Variants in SFT2D2 observed in about 807,000 individuals in gnomAD.
SFT2D2 encodes the protein vesicle transport protein SFT2B.
SFT2D2 carries 21 observed loss-of-function variants against 27.4 expected under a neutral mutation model. The ratio of observed to expected loss-of-function variants is 0.77; its 90% confidence interval spans 0.54 to 1.10. The LOEUF is 1.10. SFT2D2 is among the 50% of genes least tolerant of loss of function. The pLI, the probability that SFT2D2 is intolerant of heterozygous loss-of-function variation, is 0.00. For synonymous variants in SFT2D2, 72 were observed against 71.7 expected (o/e 1.00, Z -0.02); for missense variants, 187 against 194.2 (o/e 0.96, Z 0.22).
intron 7 of SFT2D2, among the ~76,000 whole-genome samples, chr1:168,239,403 T>C (rs1390321491): frequency 2.0e-5 from 3 of 152,034 alleles, no homozygotes; most frequent in Non-Finnish European, 2.9e-5. Flanking sequence ...TCTACTCTTA[T>C]ATATGGTGCA....
chr1:168,242,423 T>C, intron 7 of SFT2D2, 78 bp from the exon 8 acceptor site: 1 of 1,531,844 alleles, frequency 6.5e-7, no homozygotes, highest in African/African-American at 1.4e-5. Flanking sequence ...ACTCTGCAGC[T>C]TCCACTCTGG....
chr1:168,246,842 T>TAG lies in SFT2D2; in HGVS notation c.*4305_*4306dup, dbSNP rs1267635807. On this transcript the variant is annotated 3_prime_UTR_variant, in exon 8 of 8. Coordinates refer to ENST00000271375, the MANE Select transcript of SFT2D2 (RefSeq NM_199344.3). ...TTGTTGATTTTTCCCCATTCTGTTTTAGAGCCTTTTGAAGGTCTTCATGCT... is the reference window on the plus strand; with the variant it reads ...TTGTTGATTTTTCCCCATTCTGTTTTAGAGAGCCTTTTGAAGGTCTTCATGCT... 1.5e-6 allele frequency: 1 copy of TAG among 667,344 alleles called. No homozygotes were observed. 41.3% of individuals were successfully genotyped at this position (667,344 alleles called of 1,614,324 possible).
chr1:168,246,551 G>C lies in SFT2D2; in HGVS notation c.*4011G>C, dbSNP rs1450104824. 6.6e-7 allele frequency: 1 copy of C among 1,509,320 alleles called. No homozygotes were observed. The highest frequency in any genetic ancestry group is 9.1e-7 in the Non-Finnish European group (1 of 1,103,642). 93.5% of individuals were successfully genotyped at this position (1,509,320 alleles called of 1,614,324 possible). On this transcript the variant is annotated 3_prime_UTR_variant, in exon 8 of 8. Coordinates refer to ENST00000271375, the MANE Select transcript of SFT2D2 (RefSeq NM_199344.3). Reference sequence around the variant, plus strand: ...CTGGACTTACTCTCAGCTTTAGAAAGTTGCTGAGAAAGAATCAGAACATGA... The same window carrying C: ...CTGGACTTACTCTCAGCTTTAGAAACTTGCTGAGAAAGAATCAGAACATGA...
intron 3 of SFT2D2, among the ~76,000 whole-genome samples, chr1:168,232,173 A>G (rs1647339141): frequency 6.6e-6 from 1 of 152,224 alleles, no homozygotes; most frequent in African/African-American, 2.4e-5. Context: ...AAAGCAGTTC[A>G]GTGATTTCTC....
At chr1:168,238,834 A>G (rs1005510653) in intron 6 of SFT2D2, among the ~76,000 whole-genome samples, 14 of 152,188 alleles carry the variant, frequency 9.2e-5, no homozygotes, top group African/African-American at 3.4e-4. Flanking sequence ...GATTGTTGCT[A>G]GTTCAAGGTT....
Position 168,226,155 on chromosome 1 carries a change from G to A in SFT2D2, c.63+13G>A. On this transcript the variant is annotated intron_variant, in intron 1 of 7. Coordinates refer to ENST00000271375, the MANE Select transcript of SFT2D2 (RefSeq NM_199344.3). Reference sequence around the variant, plus strand: ...CGGCCTGTCCGAGGTGAGTGAGCCCGGGGCCGTCGGCCCCCTCTCGCCGCG... The same window carrying A: ...CGGCCTGTCCGAGGTGAGTGAGCCCAGGGCCGTCGGCCCCCTCTCGCCGCG... The A allele has an allele frequency of 6.6e-7, 1 of 1,526,532 alleles. No individual in the cohort carries two copies. Among genetic ancestry groups the A allele is most frequent in the South Asian group, 1.2e-5 (1 of 80,892 alleles). 94.6% of individuals were successfully genotyped at this position (1,526,532 alleles called of 1,614,324 possible).
intron 2 of SFT2D2, 23 bp from the exon 3 acceptor site, chr1:168,231,811 A>C (rs1647324714): frequency 8.7e-6 from 14 of 1,612,050 alleles, no homozygotes; most frequent in African/African-American, 1.3e-5. Context: ...GCTCATGTGC[A>C]AACACTGTAC....
intron 3 of SFT2D2, 123 bp downstream of exon 3, chr1:168,232,042 T>C (rs933052877): frequency 2.7e-5 from 20 of 737,924 alleles, no homozygotes; most frequent in African/African-American, 2.1e-4. Flanking sequence ...GAGAAGTAGT[T>C]AGAATATCTC....
At chr1:168,229,244 G>T (rs914099618) in intron 1 of SFT2D2, among the ~76,000 whole-genome samples, 3 of 152,206 alleles carry the variant, frequency 2.0e-5, no homozygotes, top group African/African-American at 7.2e-5. Context: ...AGACTGAGCG[G>T]AGTCTCGCTC....
chr1:168,237,861 GTT>G (rs34474940), intron 6 of SFT2D2, among the ~76,000 whole-genome samples: 10 of 98,350 alleles, frequency 1.0e-4, no homozygotes, highest in East Asian at 7.7e-4. Context: ...GTGTGTGTAT[GTT>G]TTTTTTTTTT....
intron 7 of SFT2D2, among the ~76,000 whole-genome samples, chr1:168,241,879 C>T (rs1263812562): frequency 6.6e-6 from 1 of 152,098 alleles, no homozygotes; most frequent in Non-Finnish European, 1.5e-5. Context: ...CAGTTGAGAA[C>T]GTGGAACAGA....
At chr1:168,233,725 T>C (rs2235178) in intron 3 of SFT2D2, among the ~76,000 whole-genome samples, 91,995 of 152,060 alleles carry the variant, frequency 0.6, 28,174 homozygotes, top group Non-Finnish European at 0.66. Flanking sequence ...TTGCTTAGTC[T>C]AGAAGAGCTC....
chr1:168,238,004 A>G (rs1647549503), intron 6 of SFT2D2, among the ~76,000 whole-genome samples: 2 of 152,160 alleles, frequency 1.3e-5, no homozygotes, highest in Non-Finnish European at 2.9e-5. Flanking sequence ...TCAGAGGTTC[A>G]GCATTCATAT....
At chr1:168,241,014 A>C (rs544168251) in intron 7 of SFT2D2, among the ~76,000 whole-genome samples, 20 of 152,288 alleles carry the variant, frequency 1.3e-4, no homozygotes, top group Middle Eastern at 3.4e-3. Context: ...CACAGGTCTC[A>C]TTCGTGAAAC....
In SFT2D2 at chr1:168,245,648, C is replaced by T. The variant is rs956388020; in HGVS notation, c.*3108C>T. 5 of 141,120 alleles carry T rather than the reference C, an allele frequency of 3.5e-5. No homozygotes were observed. Among genetic ancestry groups the T allele is most frequent in the African/African-American group, 7.9e-5 (3 of 37,924 alleles). The allele number at this position is 141,120 out of a possible 1,614,324, so 8.7% of individuals were successfully genotyped here. ...AGATGATCTAGAAGATCCACAGTAACTCTCCTGCTGTGCAGCTGGTTCCTA... is the reference window on the plus strand; with the variant it reads ...AGATGATCTAGAAGATCCACAGTAATTCTCCTGCTGTGCAGCTGGTTCCTA... On this transcript the variant is annotated 3_prime_UTR_variant, in exon 8 of 8. Coordinates refer to ENST00000271375, the MANE Select transcript of SFT2D2 (RefSeq NM_199344.3).
chr1:168,236,351 C>T (rs1323095057), intron 4 of SFT2D2, among the ~76,000 whole-genome samples: 1 of 152,166 alleles, frequency 6.6e-6, no homozygotes, highest in African/African-American at 2.4e-5. Flanking sequence ...GTTTGCTGGG[C>T]AGAGGTTCTG....
chr1:168,239,143 C>T lies in SFT2D2; in HGVS notation c.426C>T (p.Ser142=), dbSNP rs1055183186. The change falls in exon 7 of 8, where the codon TCC becomes TCT. Residue 142 remains serine (S), a synonymous_variant. Coordinates refer to ENST00000271375, the MANE Select transcript of SFT2D2 (RefSeq NM_199344.3). ...QSLALTWYSL[S]FIPFARDAVK... Reference sequence around the variant, plus strand: ...TTTTTCATTATAGGTACAGCCTTTCCTTCATACCATTTGCAAGGTAAGACT... The same window carrying T: ...TTTTTCATTATAGGTACAGCCTTTCTTTCATACCATTTGCAAGGTAAGACT... The T allele has an allele frequency of 3.2e-5, 51 of 1,607,370 alleles. No homozygotes were observed. Among genetic ancestry groups the T allele is most frequent in the Non-Finnish European group, 4.3e-5 (51 of 1,173,998 alleles).
At chr1:168,233,464 G>C (rs143655369) in intron 3 of SFT2D2, among the ~76,000 whole-genome samples, 1 of 152,184 alleles carries the variant, frequency 6.6e-6, no homozygotes, top group African/African-American at 2.4e-5. Flanking sequence ...CTTGTCCCCA[G>C]TTGTACCCAA....
In SFT2D2 at chr1:168,252,566, A is replaced by G. The variant is rs756619401; in HGVS notation, c.*10026A>G. 1 of 152,052 alleles carries G rather than the reference A, an allele frequency of 6.6e-6. No individual in the cohort carries two copies. The highest frequency in any genetic ancestry group is 2.1e-4 in the South Asian group (1 of 4,820). The allele number at this position is 152,052 out of a possible 1,614,324, so 9.4% of individuals were successfully genotyped here. ...AAACGTGTTTATTTTGCCTCTGTCA[A>G]TGTGTTTGCAACCTTAAGTAAGGAA... On this transcript the variant is annotated 3_prime_UTR_variant, in exon 8 of 8. Coordinates refer to ENST00000271375, the MANE Select transcript of SFT2D2 (RefSeq NM_199344.3).
Sources: gnomAD v4.1 joint callset for allele counts (sites outside exome capture counted in the v4.1 genomes callset) on GRCh38, gnomAD v4.1.1 for gene constraint, MANE v1.5 for transcripts, NCBI Gene and HGNC (gene_info 2026-07-23, HGNC 2026-07-21) for gene names.